The following JMJD6 variants were observed in gnomAD, a reference collection of about 807,000 sequenced individuals.
JMJD6 encodes jumonji domain containing 6, arginine demethylase and lysine hydroxylase.
Under a neutral mutation model 45.8 loss-of-function variants are expected in JMJD6, and 17 were observed. The ratio of observed to expected loss-of-function variants is 0.37; its 90% CI spans 0.25 to 0.56. The LOEUF is 0.56. JMJD6 is among the 20% of genes least tolerant of loss of function. JMJD6 has a pLI of 0.79. For synonymous variants in JMJD6, 221 were observed against 196.3 expected, an observed-to-expected ratio of 1.13 and a Z score of -1.05; for missense variants, 470 against 517.5, an observed-to-expected ratio of 0.91 and a Z score of 0.89.
chr17:76,723,872 C>T lies in JMJD6; in HGVS notation c.705G>A (p.Trp235Ter). The T allele has an allele frequency of 6.2e-7, 1 of 1,614,144 alleles. No individual in the cohort carries two copies. Among genetic ancestry groups the T allele is most frequent in the Non-Finnish European group, 8.5e-7 (1 of 1,180,026 alleles). The change falls in exon 3 of 6, where the codon TGG becomes TGA. Residue 235 changes from tryptophan (W) to a stop codon, truncating the protein, a stop_gained. Transcript: ENST00000397625. LOFTEE classifies it high-confidence loss of function. ...GTGTCCGGGGATAAATAACATTAAA[C>T]CAGGTAATAGCTTCGTCTTGCTGGT... ...GGNQQDEAIT[W>*]FNVIYPRTQL...
intron 2 of JMJD6, among the ~76,000 whole-genome samples, chr17:76,724,739 C>A (rs2076878854): frequency 6.6e-6 from 1 of 152,014 alleles, no homozygotes; most frequent in Middle Eastern, 3.4e-3. Flanking sequence ...ATTGCTTGAA[C>A]CCGGGAGGCG....
At chr17:76,723,729 C>T (rs2076858598) in intron 3 of JMJD6, 43 bp downstream of exon 3, 2 of 1,591,488 alleles carry the variant, frequency 1.3e-6, no homozygotes, top group African/African-American at 1.3e-5. Flanking sequence ...GCATGAACCA[C>T]CGCGCCCGGC....
rs772469458 is a variant in JMJD6 at position 76,718,498 on chromosome 17, G to A, written c.*231C>T. The A allele has an allele frequency of 1.4e-5, 18 of 1,332,632 alleles. No individual in the cohort carries two copies. Among genetic ancestry groups the A allele is most frequent in the Non-Finnish European group, 1.6e-5 (17 of 1,045,518 alleles). 82.6% of individuals were successfully genotyped at this position (1,332,632 alleles called of 1,614,324 possible). ...TTAAATAATGTAAAGGATTTTCTTGGCACTATTCACATTCTCTTGCCTGAG... is the reference window on the plus strand; with the variant it reads ...TTAAATAATGTAAAGGATTTTCTTGACACTATTCACATTCTCTTGCCTGAG... On this transcript the variant is annotated 3_prime_UTR_variant, in exon 6 of 6. Transcript: ENST00000397625.
At chr17:76,722,761 G>A (rs1234826822) in intron 3 of JMJD6, among the ~76,000 whole-genome samples, 2 of 140,228 alleles carry the variant, frequency 1.4e-5, no homozygotes, top group Admixed American at 8.0e-5. Context: ...CAAGAGAATC[G>A]CTTGAACCTG....
intron 2 of JMJD6, among the ~76,000 whole-genome samples, chr17:76,724,438 G>A (rs1014995864): frequency 6.6e-6 from 1 of 151,726 alleles, no homozygotes; most frequent in Admixed American, 6.6e-5. Context: ...AATTTTATGT[G>A]ATATGTCATC....
chr17:76,725,406 CAAAAA>C (rs36106744), intron 2 of JMJD6, 56 bp downstream of exon 2: 271 of 958,146 alleles, frequency 2.8e-4, no homozygotes, highest in African/African-American at 3.3e-4. Flanking sequence ...CGCTCTGTCT[CAAAAA>C]AAAAAAAAAA....
chr17:76,725,430 A>AAT, intron 2 of JMJD6, 37 bp downstream of exon 2: 1 of 1,503,590 alleles, frequency 6.7e-7, no homozygotes, highest in Non-Finnish European at 8.9e-7. Context: ...AAAAAAAAAG[A>AAT]AAAGGATTTT....
downstream of JMJD6, among the ~76,000 whole-genome samples, chr17:76,717,338 A>G (rs2076772512): frequency 6.6e-6 from 1 of 152,162 alleles, no homozygotes; most frequent in South Asian, 2.1e-4. Context: ...TTGAGCTACG[A>G]TGCCTAGCTT....
chr17:76,713,724 C>G (rs1042195312), downstream of JMJD6: 1 of 152,214 alleles, frequency 6.6e-6, no homozygotes, highest in African/African-American at 2.4e-5. Context: ...GGCTCAGTCT[C>G]TAGTAAGCTT....
At chr17:76,713,996 A>T (rs1262900106), downstream of JMJD6, 1 of 152,216 alleles carries the variant, frequency 6.6e-6, no homozygotes, top group Non-Finnish European at 1.5e-5. Flanking sequence ...TATCTCCAGC[A>T]CCTCAAGAGC....
chr17:76,717,541 G>A (rs1036762640), downstream of JMJD6, among the ~76,000 whole-genome samples: 5 of 152,106 alleles, frequency 3.3e-5, no homozygotes, highest in Admixed American at 1.3e-4. Flanking sequence ...ACTTGGAGAC[G>A]TGATTAAGTT....
chr17:76,726,283 GA>G, intron 1 of JMJD6, 63 bp downstream of exon 1: 1 of 1,504,818 alleles, frequency 6.6e-7, no homozygotes, highest in South Asian at 1.2e-5. Context: ...CGGGCCCAGA[GA>G]AAGGTGCGTA....
downstream of JMJD6, among the ~76,000 whole-genome samples, chr17:76,717,228 T>A (rs1250377272): frequency 7.2e-5 from 11 of 152,160 alleles, no homozygotes. Context: ...ATATATATAT[T>A]TTAAAGACAG....
chr17:76,725,974 C>T (rs1396541921), intron 1 of JMJD6, 119 bp from the exon 2 acceptor site: 3 of 1,297,178 alleles, frequency 2.3e-6, no homozygotes, highest in Non-Finnish European at 3.1e-6. Context: ...TCTCGTCTGG[C>T]TCCTCCGGGG....
At chr17:76,726,034 C>G (rs560785436) in intron 1 of JMJD6, among the ~76,000 whole-genome samples, 179 bp from the exon 2 acceptor site, 6 of 152,332 alleles carry the variant, frequency 3.9e-5, no homozygotes, top group African/African-American at 1.4e-4. Context: ...AGCCACCCCC[C>G]ATGAGCCTTG....
intron 5 of JMJD6, among the ~76,000 whole-genome samples, 187 bp from the exon 6 acceptor site, chr17:76,719,047 G>A (rs1281253762): frequency 6.6e-6 from 1 of 152,140 alleles, no homozygotes; most frequent in Non-Finnish European, 1.5e-5. Context: ...GGCTCCCTAA[G>A]AATTTCAAAC....
downstream of JMJD6, among the ~76,000 whole-genome samples, chr17:76,717,990 CA>C (rs1047021948): frequency 1.2e-4 from 17 of 141,624 alleles, no homozygotes; most frequent in Admixed American, 4.3e-4. Flanking sequence ...GACTCTGTCT[CA>C]AAAAAAAATA....
At chr17:76,723,156 G>C (rs2076849731) in intron 3 of JMJD6, among the ~76,000 whole-genome samples, 1 of 151,828 alleles carries the variant, frequency 6.6e-6, no homozygotes, top group Non-Finnish European at 1.5e-5. Context: ...ATGTTGGCCA[G>C]GCTGATCTTG....
chr17:76,719,805 A>G (rs1444092200), intron 5 of JMJD6, among the ~76,000 whole-genome samples: 1 of 151,702 alleles, frequency 6.6e-6, no homozygotes, highest in Non-Finnish European at 1.5e-5. Flanking sequence ...ATCCCCAAAT[A>G]CCCCTGATAC....
Sources: gnomAD v4.1 joint callset for allele counts (sites outside exome capture counted in the v4.1 genomes callset) on GRCh38, gnomAD v4.1.1 for gene constraint, MANE v1.5 for transcripts, NCBI Gene and HGNC (gene_info 2026-07-23, HGNC 2026-07-21) for gene names.